The following TENM3 variants were observed in gnomAD, a reference collection of about 807,000 sequenced individuals.
TENM3 encodes teneurin-3.
Under a neutral mutation model 255.1 loss-of-function variants are expected in TENM3, and 63 were observed. The observed-to-expected ratio is 0.25, with a 90% CI of 0.20 to 0.30. TENM3 has a LOEUF of 0.30. Among genes scored for constraint, TENM3 ranks in the 10% least tolerant of loss-of-function variants. The pLI is 1.00. For synonymous variants in TENM3, 1,306 were observed against 1,322.3 expected (o/e 0.99, Z 0.27); for missense variants, 2,929 against 3,461.1 (o/e 0.85, Z 3.86).
chr4:182,124,076 G>C, the TENM3 span, among the ~76,000 whole-genome samples: 1 of 152,116 alleles, frequency 6.6e-6, no homozygotes, highest in African/African-American at 2.4e-5. Context: ...TTTTGAGATG[G>C]AGTCTCACTC....
chr4:181,515,388 G>A, the TENM3 span, among the ~76,000 whole-genome samples: 1 of 152,086 alleles, frequency 6.6e-6, no homozygotes, highest in Non-Finnish European at 1.5e-5. Flanking sequence ...GAAGCAAAAT[G>A]TTCCTAAGGC....
chr4:181,701,986 C>A, the TENM3 span, among the ~76,000 whole-genome samples: 2 of 152,274 alleles, frequency 1.3e-5, no homozygotes, highest in Non-Finnish European at 2.9e-5. Context: ...GATCTGTTGA[C>A]CAGAAGCAGC....
At chr4:182,124,199 G>A in the TENM3 span, among the ~76,000 whole-genome samples, 2 of 151,984 alleles carry the variant, frequency 1.3e-5, no homozygotes, top group Non-Finnish European at 2.9e-5. Flanking sequence ...CTACAGGCAC[G>A]TGCCACCATG....
intron 12 of TENM3, among the ~76,000 whole-genome samples, chr4:182,705,494 A>C (rs1758208779): frequency 6.6e-6 from 1 of 152,354 alleles, no homozygotes; most frequent in East Asian, 1.9e-4. Context: ...CATTGTTGAC[A>C]GCGGAAACAA....
At chr4:182,183,550 T>C (rs979930971) in intron 1 of TENM3, among the ~76,000 whole-genome samples, 1 of 152,178 alleles carries the variant, frequency 6.6e-6, no homozygotes, top group Non-Finnish European at 1.5e-5. Flanking sequence ...AAGGAATGAA[T>C]TGGGGAAGGA....
intron 1 of TENM3, among the ~76,000 whole-genome samples, chr4:182,169,074 T>TACACAC (rs55885166): frequency 0.026 from 3,592 of 137,778 alleles, 103 homozygotes; most frequent in African/African-American, 0.072. Flanking sequence ...AATCATGCCA[T>TACACAC]ACACACACAC....
the TENM3 span, among the ~76,000 whole-genome samples, chr4:181,621,853 A>G: frequency 6.6e-6 from 1 of 152,190 alleles, no homozygotes; most frequent in East Asian, 1.9e-4. Flanking sequence ...TCATGGTTAC[A>G]AAGCTTAAGC....
At chr4:182,796,172 G>T (rs1766483838) in intron 26 of TENM3, among the ~76,000 whole-genome samples, 2 of 152,192 alleles carry the variant, frequency 1.3e-5, no homozygotes, top group African/African-American at 4.8e-5. Flanking sequence ...CAATTTAGGG[G>T]TTTTATTAAT....
intron 16 of TENM3, among the ~76,000 whole-genome samples, chr4:182,735,195 C>A (rs1008637791): frequency 6.6e-6 from 1 of 152,110 alleles, no homozygotes; most frequent in Non-Finnish European, 1.5e-5. Flanking sequence ...TGCTTAAGAC[C>A]GTTTTGTGGC....
intron 3 of TENM3, among the ~76,000 whole-genome samples, chr4:182,359,974 A>G (rs141680674): frequency 0.018 from 2,778 of 152,020 alleles, 51 homozygotes; most frequent in African/African-American, 0.042. Flanking sequence ...TCATTTCGTT[A>G]TGTACCCAAT....
At chr4:182,099,044 C>T in the TENM3 span, among the ~76,000 whole-genome samples, 1 of 147,244 alleles carries the variant, frequency 6.8e-6, no homozygotes, top group South Asian at 2.2e-4. Context: ...TCACTGCAAC[C>T]TCTGCTTCCC....
chr4:182,729,759 T>A (rs2152709461), intron 14 of TENM3, among the ~76,000 whole-genome samples: 1 of 152,346 alleles, frequency 6.6e-6, no homozygotes, highest in Middle Eastern at 3.4e-3. Flanking sequence ...AGCCAGCAGT[T>A]GATTCAAAGT....
the TENM3 span, among the ~76,000 whole-genome samples, chr4:181,767,111 G>T: frequency 7.0e-6 from 1 of 143,610 alleles, no homozygotes; most frequent in Admixed American, 7.0e-5. Flanking sequence ...AATTAGCAGG[G>T]CGTGGTGGCG....
At chr4:181,940,747 A>C in the TENM3 span, among the ~76,000 whole-genome samples, 1 of 152,190 alleles carries the variant, frequency 6.6e-6, no homozygotes, top group Non-Finnish European at 1.5e-5. Context: ...AGGTCAGTTT[A>C]GTGTGGCAGA....
intron 4 of TENM3, among the ~76,000 whole-genome samples, chr4:182,601,686 C>A (rs903768620): frequency 1.3e-5 from 2 of 152,118 alleles, no homozygotes; most frequent in African/African-American, 4.8e-5. Flanking sequence ...GAGATAGGAC[C>A]TACTCTCTAA....
Position 182,616,591 on chromosome 4 carries a change from AAGAT to A in TENM3, c.750-12057_750-12054del, listed in dbSNP as rs201637976. On this transcript the variant is annotated intron_variant, in intron 4 of 27. Coordinates refer to ENST00000511685, the MANE Select transcript of TENM3 (RefSeq NM_001080477.4). ...TAACACAGTGAAAAAAAAAAAAAAA[AAGAT>A]AGGTAACTGCAGAACACCTTTTGCA... Among the ~76,000 whole-genome samples the A allele has an allele frequency of 4.3e-3, 605 of 140,558 alleles. 8 individuals carry two copies. The highest frequency in any genetic ancestry group is 0.015 in the Middle Eastern group (4 of 268). 92.2% of individuals were successfully genotyped at this position (140,558 alleles called of 152,430 possible). A position where few individuals can be genotyped will look rare whatever the true frequency, so the allele number is the denominator to read the frequency against.
chr4:182,083,315 G>A, the TENM3 span, among the ~76,000 whole-genome samples: 10 of 152,194 alleles, frequency 6.6e-5, no homozygotes, highest in East Asian at 9.7e-4. Flanking sequence ...AGCATCATTC[G>A]GAATCTTTAT....
intron 2 of TENM3, among the ~76,000 whole-genome samples, chr4:182,333,486 A>G (rs757025987): frequency 6.6e-6 from 1 of 152,312 alleles, no homozygotes; most frequent in Non-Finnish European, 1.5e-5. Context: ...GAAAACCATG[A>G]TCTTATCAAT....
chr4:181,916,992 A>G, the TENM3 span, among the ~76,000 whole-genome samples: 3 of 152,124 alleles, frequency 2.0e-5, no homozygotes, highest in Non-Finnish European at 2.9e-5. Context: ...TTGGTTTTCT[A>G]TCTTTCCTGA....
Sources: allele counts gnomAD v4.1 joint callset (sites outside exome capture counted in the v4.1 genomes callset), GRCh38; gene constraint gnomAD v4.1.1; transcripts MANE v1.5; gene names NCBI Gene and HGNC (gene_info 2026-07-23, HGNC 2026-07-21).